Variants in NEK11 observed in about 807,000 individuals in gnomAD.
NEK11 encodes the protein NIMA related kinase 11, also known as serine/threonine-protein kinase Nek11.
Under a neutral mutation model 80.7 loss-of-function variants are expected in NEK11, and 72 were observed. That is an observed-to-expected ratio of 0.89 (90% confidence interval 0.74 to 1.08). NEK11 has a LOEUF of 1.08. Among genes scored for constraint, NEK11 ranks in the 50% least tolerant of loss-of-function variants. The pLI is 0.00. For missense variants in NEK11, 764 were observed against 763.6 expected (o/e 1.00, Z -0.01); for synonymous variants, 251 against 260.7 (o/e 0.96, Z 0.36).
At chr3:131,226,577 A>G (rs995385354) in intron 14 of NEK11, among the ~76,000 whole-genome samples, 8 of 152,194 alleles carry the variant, frequency 5.3e-5, no homozygotes, top group African/African-American at 1.9e-4. Flanking sequence ...TAACTCAGGA[A>G]TGGAAAACCA....
Position 131,312,307 on chromosome 3 carries a change from G to A in NEK11, c.1719-37250G>A, listed in dbSNP as rs60620259. 4.3e-3 allele frequency among the ~76,000 whole-genome samples: 656 copies of A among 152,276 alleles called. 5 individuals are homozygous for A. The highest frequency in any genetic ancestry group is 0.014 in the African/African-American group (595 of 41,562). On this transcript the variant is annotated intron_variant, in intron 17 of 17. Coordinates refer to ENST00000383366, the MANE Select transcript of NEK11 (RefSeq NM_024800.5). ...ATAACAATGCCTGCTTTCCAGGGTT[G>A]AAATAATTAGATAACACGTTAAGTG...
At chr3:131,207,240 A>C (rs1344153630) in intron 14 of NEK11, among the ~76,000 whole-genome samples, 1 of 152,204 alleles carries the variant, frequency 6.6e-6, no homozygotes, top group Non-Finnish European at 1.5e-5. Context: ...AGGAATCGCC[A>C]CACTGTCTTC....
At chr3:131,348,437 T>C (rs2097399428) in intron 17 of NEK11, among the ~76,000 whole-genome samples, 1 of 151,826 alleles carries the variant, frequency 6.6e-6, no homozygotes, top group Non-Finnish European at 1.5e-5. Flanking sequence ...AGAAGGAGCC[T>C]GGTATAAGAT....
chr3:131,285,221 A>T (rs887401515), intron 17 of NEK11, among the ~76,000 whole-genome samples: 5 of 152,174 alleles, frequency 3.3e-5, no homozygotes, highest in Non-Finnish European at 5.9e-5. Context: ...TTCATGTGGA[A>T]AGGTTTCTGG....
chr3:131,334,679 G>A (rs1334991295), intron 17 of NEK11, among the ~76,000 whole-genome samples: 2 of 151,994 alleles, frequency 1.3e-5, no homozygotes, highest in Non-Finnish European at 2.9e-5. Context: ...GAATCCAGGA[G>A]CTGGTTTTTT....
intron 11 of NEK11, among the ~76,000 whole-genome samples, chr3:131,164,380 A>G (rs1440239314): frequency 6.6e-6 from 1 of 152,210 alleles, no homozygotes; most frequent in African/African-American, 2.4e-5. Flanking sequence ...GCAAACCACT[A>G]TGACATTGAG....
intron 5 of NEK11, among the ~76,000 whole-genome samples, chr3:131,129,671 C>T (rs897193489): frequency 6.6e-6 from 1 of 152,160 alleles, no homozygotes; most frequent in African/African-American, 2.4e-5. Context: ...TATATGAATG[C>T]CCAGTTGTTC....
intron 14 of NEK11, among the ~76,000 whole-genome samples, chr3:131,198,722 CT>C (rs1242389675): frequency 1.3e-5 from 2 of 152,168 alleles, no homozygotes; most frequent in Admixed American, 1.3e-4. Flanking sequence ...TTTTCTGTGA[CT>C]TATAAAGAAA....
intron 14 of NEK11, among the ~76,000 whole-genome samples, chr3:131,172,935 A>G (rs2092780001): frequency 6.6e-6 from 1 of 152,236 alleles, no homozygotes; most frequent in Non-Finnish European, 1.5e-5. Context: ...TATGTAAATT[A>G]TAATGCATTA....
At chr3:131,340,505 A>T (rs1561633304) in intron 17 of NEK11, among the ~76,000 whole-genome samples, 1 of 152,178 alleles carries the variant, frequency 6.6e-6, no homozygotes, top group Non-Finnish European at 1.5e-5. Context: ...AATGAAAGGT[A>T]AGCACAGGAA....
At chr3:131,227,716 A>G (rs2095239011) in intron 14 of NEK11, among the ~76,000 whole-genome samples, 1 of 151,998 alleles carries the variant, frequency 6.6e-6, no homozygotes, top group South Asian at 2.1e-4. Context: ...CCCCAGCCCA[A>G]GGGTAGTTGT....
chr3:131,305,026 G>T (rs2096708191), intron 17 of NEK11, among the ~76,000 whole-genome samples: 1 of 151,928 alleles, frequency 6.6e-6, no homozygotes, highest in African/African-American at 2.4e-5. Flanking sequence ...GCTTGTGCTG[G>T]TGGCAGCAGG....
Position 131,165,451 on chromosome 3 carries a change from G to C in NEK11, c.1108G>C (p.Glu370Gln), listed in dbSNP as rs1245989632. The change falls in exon 12 of 18, where the codon GAA (glutamate) becomes CAA (glutamine). Residue 370 changes from glutamate (E) to glutamine (Q), a missense_variant. Transcript: ENST00000383366. ...AAAGATTGTGGAAGAAAAATATGAA[G>C]AAAATAGCAAACGAATGCAAGAATT... is the stretch of plus-strand genomic sequence containing the variant. ...LKKIVEEKYE[E>Q]NSKRMQELRS... 9 of 1,612,090 alleles carry C rather than the reference G, an allele frequency of 5.6e-6. No homozygotes were observed. In the South Asian group the frequency reaches 9.9e-5, roughly 18 times the overall value.
At chr3:131,082,120 T>C (rs2075360819) in intron 4 of NEK11, among the ~76,000 whole-genome samples, 1 of 152,212 alleles carries the variant, frequency 6.6e-6, no homozygotes. Flanking sequence ...TTTGGATATC[T>C]GGTTGTCCAT....
intron 3 of NEK11, among the ~76,000 whole-genome samples, chr3:131,065,659 G>T (rs2071786583): frequency 6.6e-6 from 1 of 152,130 alleles, no homozygotes; most frequent in South Asian, 2.1e-4. Context: ...CTGTTCTGCT[G>T]TTAAGTCAGG....
intron 4 of NEK11, among the ~76,000 whole-genome samples, chr3:131,107,217 G>A (rs911638730): frequency 1.3e-5 from 2 of 151,936 alleles, no homozygotes; most frequent in African/African-American, 4.8e-5. Flanking sequence ...CCTTAGTAAG[G>A]TTAACACATT....
chr3:131,228,729 G>A, intron 15 of NEK11, 41 bp downstream of exon 15: 3 of 1,567,900 alleles, frequency 1.9e-6, no homozygotes, highest in Non-Finnish European at 2.6e-6. Context: ...AACTGTTCAA[G>A]GTACTGATTG....
At chr3:131,220,420 T>G (rs1336081050) in intron 14 of NEK11, among the ~76,000 whole-genome samples, 1 of 152,228 alleles carries the variant, frequency 6.6e-6, no homozygotes, top group East Asian at 1.9e-4. Flanking sequence ...AAGAAATGCT[T>G]TGATGGCTGT....
chr3:131,230,939 A>C (rs559290014), intron 15 of NEK11, among the ~76,000 whole-genome samples: 1 of 152,222 alleles, frequency 6.6e-6, no homozygotes, highest in East Asian at 1.9e-4. Context: ...TGATTTTATA[A>C]GGGGTTTCCT....
Sources: allele counts gnomAD v4.1 joint callset (sites outside exome capture counted in the v4.1 genomes callset), GRCh38; gene constraint gnomAD v4.1.1; transcripts MANE v1.5; gene names NCBI Gene and HGNC (gene_info 2026-07-23, HGNC 2026-07-21).